The following CHD9 variants were observed in gnomAD, a reference collection of about 807,000 sequenced individuals.
CHD9 encodes ATP-dependent chromatin remodeler CHD9.
A neutral mutation model predicts 316.1 loss-of-function variants in CHD9; 77 were observed. That is an observed-to-expected ratio of 0.24 (90% confidence interval 0.20 to 0.29). CHD9 has a LOEUF of 0.29. Ranked by LOEUF, CHD9 falls within the 10% of genes least tolerant of loss-of-function variation. CHD9 has a pLI of 1.00. For synonymous variants in CHD9, 1,129 were observed against 1,158.3 expected (o/e 0.97, Z 0.51); for missense variants, 2,763 against 3,438.1 (o/e 0.80, Z 4.91).
chr16:53,067,987 A>G (rs1294596658), intron 1 of CHD9, among the ~76,000 whole-genome samples: 1 of 152,172 alleles, frequency 6.6e-6, no homozygotes, highest in Non-Finnish European at 1.5e-5. Flanking sequence ...TGAGCCCAGG[A>G]GGTCAAGTCT....
chr16:53,314,418 T>C lies in CHD9; in HGVS notation c.7264T>C (p.Leu2422=). Residue 2422 remains leucine (L), a synonymous_variant, in exon 35 of 39, where the codon TTA becomes CTA. Coordinates refer to ENST00000447540, the MANE Select transcript of CHD9 (RefSeq NM_001308319.2). ...AACCCTTGGTGCCAATGGTGTGATA[T>C]TAGACAACCAGCCTATAGTCAAAAA... ...QPTLGANGVI[L]DNQPIVKKRR... is the part of the protein sequence containing the mutation. 2 of 1,589,320 alleles carry C rather than the reference T, an allele frequency of 1.3e-6. No homozygotes were observed. The highest frequency in any genetic ancestry group is 2.3e-5 in the East Asian group (1 of 44,256).
At position 53,234,015 on chromosome 16, in the gene CHD9, C is replaced by T. The variant is rs567073198; in HGVS notation, c.2512-1170C>T. The stretch of plus-strand genomic sequence containing the variant: ...TTCAGAAAATTTATGTCTTATATAT[C>T]TATATATAAGTGAATAAAATTCTTT... On this transcript the variant is annotated intron_variant, in intron 10 of 38. Transcript: ENST00000447540. Among the ~76,000 whole-genome samples, 26 of 152,180 alleles carry T rather than the reference C, an allele frequency of 1.7e-4. No individual in the cohort carries two copies. In the East Asian group the frequency reaches 4.8e-3, roughly 28 times the overall value.
chr16:53,215,206 G>A (rs557113281), intron 3 of CHD9, among the ~76,000 whole-genome samples: 112 of 152,260 alleles, frequency 7.4e-4, no homozygotes, highest in South Asian at 4.1e-3. Flanking sequence ...ATAAGCCACC[G>A]TGCCCGGCCA....
intron 1 of CHD9, among the ~76,000 whole-genome samples, chr16:53,126,868 G>A (rs949346685): frequency 4.1e-4 from 62 of 151,964 alleles, no homozygotes; most frequent in Non-Finnish European, 1.6e-4. Flanking sequence ...TAGTAGAGAC[G>A]GGGTTTCCCC....
intron 10 of CHD9, among the ~76,000 whole-genome samples, chr16:53,233,817 C>A (rs968618982): frequency 1.3e-5 from 2 of 152,170 alleles, no homozygotes; most frequent in South Asian, 4.1e-4. Context: ...AATATCACAC[C>A]TGATTATCCT....
intron 1 of CHD9, among the ~76,000 whole-genome samples, chr16:53,088,275 C>CTTTTTTTTTTTTTTTTT (rs35052198): frequency 1.6e-5 from 2 of 127,050 alleles, no homozygotes; most frequent in African/African-American, 3.0e-5. Flanking sequence ...ATGACATGCA[C>CTTTTTTTTTTTTTTTTT]TTTGTTTTTT....
chr16:53,060,146 C>A (rs1261015435), intron 1 of CHD9, among the ~76,000 whole-genome samples: 1 of 151,380 alleles, frequency 6.6e-6, no homozygotes, highest in Admixed American at 6.6e-5. Flanking sequence ...GAGTTCAAGA[C>A]CAGCCTGGGC....
At chr16:53,120,404 G>T (rs866043004) in intron 1 of CHD9, among the ~76,000 whole-genome samples, 1 of 151,282 alleles carries the variant, frequency 6.6e-6, no homozygotes, top group Non-Finnish European at 1.5e-5. Context: ...ACCTGAGGTC[G>T]GGAGTTTGAG....
intron 28 of CHD9, 87 bp downstream of exon 28, chr16:53,291,854 T>A: frequency 1.3e-6 from 1 of 790,958 alleles, no homozygotes; most frequent in Non-Finnish European, 1.9e-6. Context: ...TACACTTTTA[T>A]AATGTTTCAT....
intron 24 of CHD9, among the ~76,000 whole-genome samples, chr16:53,284,339 ATG>A (rs199537032): frequency 2.4e-4 from 36 of 150,174 alleles, no homozygotes; most frequent in South Asian, 6.3e-4. Flanking sequence ...ATATAAGAAA[ATG>A]TGTGTGTGTG....
At chr16:53,278,204 G>C (rs1228742093) in intron 24 of CHD9, among the ~76,000 whole-genome samples, 1 of 152,080 alleles carries the variant, frequency 6.6e-6, no homozygotes, top group Non-Finnish European at 1.5e-5. Flanking sequence ...TACAAATTCA[G>C]TGCAATTCCT....
intron 1 of CHD9, among the ~76,000 whole-genome samples, chr16:53,108,106 A>T (rs866569116): frequency 6.6e-6 from 1 of 152,174 alleles, no homozygotes; most frequent in Admixed American, 6.5e-5. Context: ...TGAGGGTAAG[A>T]CCTTTTTATC....
At chr16:53,127,763 A>C (rs1222583379) in intron 1 of CHD9, among the ~76,000 whole-genome samples, 1 of 152,052 alleles carries the variant, frequency 6.6e-6, no homozygotes, top group East Asian at 1.9e-4. Context: ...TCTGCTAAAA[A>C]TACAAAAATT....
Position 53,314,812 on chromosome 16 carries a change from T to G in CHD9, c.7363-11T>G. The G allele has an allele frequency of 6.4e-7, 1 of 1,567,994 alleles. No homozygotes were observed. The highest frequency in any genetic ancestry group is 8.7e-7 in the Non-Finnish European group (1 of 1,148,176). Reference sequence around the variant, plus strand: ...ATGAAAATAAAGATACCATTTGGTGTTTTTTTACAGGTTTCTTTAGGCTTA... The same window carrying G: ...ATGAAAATAAAGATACCATTTGGTGGTTTTTTACAGGTTTCTTTAGGCTTA... On this transcript the variant is annotated splice_polypyrimidine_tract_variant and intron_variant, in intron 35 of 38. Coordinates refer to ENST00000447540, the MANE Select transcript of CHD9 (RefSeq NM_001308319.2).
intron 19 of CHD9, among the ~76,000 whole-genome samples, chr16:53,261,440 A>C (rs1325449615): frequency 7.8e-6 from 1 of 127,924 alleles, no homozygotes; most frequent in African/African-American, 3.0e-5. Flanking sequence ...ATCATGGCCC[A>C]CTGTAGCCTT....
chr16:53,064,908 G>T (rs2033346744), intron 1 of CHD9, among the ~76,000 whole-genome samples: 1 of 152,112 alleles, frequency 6.6e-6, no homozygotes, highest in Admixed American at 6.5e-5. Flanking sequence ...GTTGGAGGTT[G>T]CAGTGAGCTG....
At chr16:53,312,790 A>G (rs146333660) in intron 34 of CHD9, among the ~76,000 whole-genome samples, 1 of 152,322 alleles carries the variant, frequency 6.6e-6, no homozygotes, top group Non-Finnish European at 1.5e-5. Flanking sequence ...CTGAGATGGG[A>G]GGAAGGTTGT....
intron 1 of CHD9, among the ~76,000 whole-genome samples, chr16:53,120,658 T>C (rs1022223019): frequency 1.3e-5 from 2 of 151,228 alleles, no homozygotes; most frequent in African/African-American, 4.9e-5. Context: ...AAAATACATG[T>C]TTACAGTTTC....
rs1430381465 is a variant in CHD9 at position 53,156,541 on chromosome 16, A to C, written c.452A>C (p.His151Pro). 5.0e-6 allele frequency: 8 copies of C among 1,613,872 alleles called. No homozygotes were observed. In the African/African-American group the frequency reaches 9.3e-5, roughly 19 times the overall value. Reference sequence around the variant, plus strand: ...CAACAAGGACATTCACACTCTATGCATCAAAATAAAAGCTTTGTGGCACAC... The same window carrying C: ...CAACAAGGACATTCACACTCTATGCCTCAAAATAAAAGCTTTGTGGCACAC... ...FHQQGHSHSMHQNKSFVAHHD... is the reference protein window; with the variant it reads ...FHQQGHSHSMPQNKSFVAHHD... Residue 151 changes from histidine (H) to proline (P), a missense_variant, in exon 2 of 39, where the codon CAT becomes CCT. Physicochemically the swap from His to Pro is moderately conservative, Grantham distance 77 (BLOSUM62 -2). Transcript: ENST00000447540.
Sources: allele counts gnomAD v4.1 joint callset (sites outside exome capture counted in the v4.1 genomes callset), GRCh38; gene constraint gnomAD v4.1.1; transcripts MANE v1.5; gene names NCBI Gene and HGNC (gene_info 2026-07-23, HGNC 2026-07-21).